The following DPP10 variants were observed in gnomAD, a reference collection of about 807,000 sequenced individuals.
DPP10 encodes dipeptidyl peptidase like 10.
Under a neutral mutation model 120.9 loss-of-function variants are expected in DPP10, and 33 were observed. The ratio of observed to expected loss-of-function variants is 0.27; its 90% confidence interval spans 0.21 to 0.37. DPP10 has a LOEUF of 0.37. Among genes scored for constraint, DPP10 ranks in the 10% least tolerant of loss-of-function variants. The pLI, the probability that DPP10 is intolerant of heterozygous loss-of-function variation, is 1.00. For missense variants in DPP10, 816 were observed against 942.8 expected, an observed-to-expected ratio of 0.87 and a Z score of 1.76; for synonymous variants, 337 against 326.1, an observed-to-expected ratio of 1.03 and a Z score of -0.36.
chr2:114,987,488 T>C (rs1324231698), intron 1 of DPP10, among the ~76,000 whole-genome samples: 1 of 152,192 alleles, frequency 6.6e-6, no homozygotes, highest in African/African-American at 2.4e-5. Context: ...TCCTCTCATG[T>C]CATCTCCTTT....
chr2:115,587,352 C>T (rs1385152854), intron 5 of DPP10, among the ~76,000 whole-genome samples: 1 of 152,034 alleles, frequency 6.6e-6, no homozygotes, highest in Admixed American at 6.6e-5. Context: ...CCCGCCTCGG[C>T]CTCCCAAAGT....
intron 1 of DPP10, among the ~76,000 whole-genome samples, chr2:115,085,348 A>G (rs1708606282): frequency 6.6e-6 from 1 of 152,084 alleles, no homozygotes; most frequent in Non-Finnish European, 1.5e-5. Context: ...GTGTACTCAC[A>G]TCCATTCTAA....
intron 5 of DPP10, among the ~76,000 whole-genome samples, chr2:115,571,434 C>T (rs1219237551): frequency 6.6e-6 from 1 of 152,062 alleles, no homozygotes; most frequent in Non-Finnish European, 1.5e-5. Context: ...TTTTAAAATC[C>T]CTGAGAATCC....
At chr2:114,498,701 C>G (rs1305304512) in intron 1 of DPP10, among the ~76,000 whole-genome samples, 1 of 152,128 alleles carries the variant, frequency 6.6e-6, no homozygotes, top group African/African-American at 2.4e-5. Flanking sequence ...GATAACTAAT[C>G]CCATGATAAT....
intron 1 of DPP10, among the ~76,000 whole-genome samples, chr2:114,901,461 G>A (rs1574452515): frequency 6.6e-6 from 1 of 152,322 alleles, no homozygotes; most frequent in South Asian, 2.1e-4. Flanking sequence ...CTCCCAAAGT[G>A]CTGGGATTAC....
chr2:115,305,555 G>T (rs2061327113), intron 1 of DPP10, among the ~76,000 whole-genome samples: 1 of 151,780 alleles, frequency 6.6e-6, no homozygotes, highest in African/African-American at 2.4e-5. Context: ...CAACATAGAA[G>T]ACCTCGTCTT....
chr2:115,539,005 G>A (rs1163474561), intron 5 of DPP10, among the ~76,000 whole-genome samples: 1 of 151,802 alleles, frequency 6.6e-6, no homozygotes, highest in Non-Finnish European at 1.5e-5. Context: ...TATTTTCTAT[G>A]AACATAGCTA....
In DPP10 at chr2:115,777,205, C is replaced by A; in HGVS notation, c.1222-3C>A. 2 of 1,611,372 alleles carry A rather than the reference C, an allele frequency of 1.2e-6. No individual in the cohort carries two copies. The highest frequency in any genetic ancestry group is 1.7e-6 in the Non-Finnish European group (2 of 1,178,350). ...AAAATCAATATTTTCTATTTCTTTG[C>A]AGAGTAAAAGTGAGCAAATTACCGT... is the stretch of plus-strand genomic sequence containing the variant. On this transcript the variant is annotated splice_region_variant and splice_polypyrimidine_tract_variant and intron_variant, in intron 13 of 25. Transcript: ENST00000410059.
chr2:115,183,898 C>T (rs2054250048), intron 1 of DPP10, among the ~76,000 whole-genome samples: 1 of 152,100 alleles, frequency 6.6e-6, no homozygotes, highest in South Asian at 2.1e-4. Flanking sequence ...TGTCAGAGGG[C>T]TGTGTTTCAT....
chr2:115,480,666 G>C lies in DPP10; in HGVS notation c.272-18844G>C, dbSNP rs191535225. On this transcript the variant is annotated intron_variant, in intron 3 of 25. Transcript: ENST00000410059. ...TGAGGTGAGGCAGGATCTGCAGACT[G>C]TGGCTCTTATCTGCTTAATGATGTG... Among the ~76,000 whole-genome samples, 133 of 152,210 alleles carry C rather than the reference G, an allele frequency of 8.7e-4. 1 individual carries two copies. Among genetic ancestry groups the C allele is most frequent in the Non-Finnish European group, 2.9e-5 (2 of 68,016 alleles).
intron 1 of DPP10, among the ~76,000 whole-genome samples, chr2:114,927,532 G>T (rs188413653): frequency 1.3e-5 from 2 of 152,048 alleles, no homozygotes; most frequent in East Asian, 3.9e-4. Context: ...AGACACAAAT[G>T]GTTGCATTCC....
intron 21 of DPP10, among the ~76,000 whole-genome samples, chr2:115,834,822 C>T (rs997178650): frequency 1.3e-5 from 2 of 152,094 alleles, no homozygotes; most frequent in Non-Finnish European, 2.9e-5. Flanking sequence ...CGCGGTGGCT[C>T]ACGCCTGTAA....
At chr2:115,791,696 G>T (rs910893464) in intron 19 of DPP10, among the ~76,000 whole-genome samples, 1 of 152,146 alleles carries the variant, frequency 6.6e-6, no homozygotes, top group Non-Finnish European at 1.5e-5. Flanking sequence ...TAATTCCACT[G>T]CTAAAACAAT....
intron 1 of DPP10, among the ~76,000 whole-genome samples, chr2:115,130,511 T>C (rs901607397): frequency 6.7e-6 from 1 of 148,374 alleles, no homozygotes; most frequent in Non-Finnish European, 1.5e-5. Flanking sequence ...TATCCATCCA[T>C]CCATCCATCC....
Position 115,367,734 on chromosome 2 carries a change from C to T in DPP10, c.271+23822C>T, listed in dbSNP as rs1455213245. On this transcript the variant is annotated intron_variant, in intron 3 of 25. Transcript: ENST00000410059. ...TAACAAGCACTAATACAACTTTGTACATCTTTTTGTTATGTGTATGACTGA... is the reference window on the plus strand; with the variant it reads ...TAACAAGCACTAATACAACTTTGTATATCTTTTTGTTATGTGTATGACTGA... Among the ~76,000 whole-genome samples the T allele has an allele frequency of 7.2e-5, 11 of 151,896 alleles. No individual in the cohort carries two copies. The East Asian group carries it at 2.1e-3, about 29-fold the overall frequency.
chr2:115,272,176 G>A (rs932792978), intron 1 of DPP10, among the ~76,000 whole-genome samples: 1 of 152,112 alleles, frequency 6.6e-6, no homozygotes, highest in African/African-American at 2.4e-5. Flanking sequence ...TTATTATATT[G>A]TGAGTGTTTT....
intron 1 of DPP10, among the ~76,000 whole-genome samples, chr2:114,597,169 A>C (rs534063761): frequency 1.3e-5 from 2 of 152,190 alleles, no homozygotes; most frequent in South Asian, 4.1e-4. Context: ...GCATTCCAGC[A>C]AAAGAGAGAG....
chr2:114,840,050 C>G (rs968920257), intron 1 of DPP10, among the ~76,000 whole-genome samples: 1 of 152,068 alleles, frequency 6.6e-6, no homozygotes, highest in South Asian at 2.1e-4. Context: ...AATATCTCTC[C>G]CCTCCACAAA....
At chr2:114,592,944 T>C (rs1691585491) in intron 1 of DPP10, among the ~76,000 whole-genome samples, 1 of 152,232 alleles carries the variant, frequency 6.6e-6, no homozygotes, top group African/African-American at 2.4e-5. Context: ...TATGTGTTGT[T>C]GGTCTTTTTG....
Sources: gnomAD v4.1 joint callset for allele counts (sites outside exome capture counted in the v4.1 genomes callset) on GRCh38, gnomAD v4.1.1 for gene constraint, MANE v1.5 for transcripts, NCBI Gene and HGNC (gene_info 2026-07-23, HGNC 2026-07-21) for gene names.